Variants in RDM1 observed in about 807,000 individuals in gnomAD.
The protein encoded by RDM1 is RAD52 motif-containing protein 1.
A neutral mutation model predicts 27.7 loss-of-function variants in RDM1; 28 were observed. That is an observed-to-expected ratio of 1.01 (90% CI 0.75 to 1.39). The LOEUF (loss-of-function observed/expected upper bound fraction) is 1.39, where lower values mean the gene tolerates loss of function less well. RDM1 is among the 40% of genes most tolerant of loss of function. RDM1 has a pLI of 0.00. For synonymous variants in RDM1, 124 were observed against 127.5 expected (o/e 0.97, Z 0.19); for missense variants, 277 against 337.3 (o/e 0.82, Z 1.40).
At position 35,918,286 on chromosome 17, in the gene RDM1, C is replaced by T. The variant is rs2088814024; in HGVS notation, c.*56G>A. The stretch of plus-strand genomic sequence containing the variant: ...GTGGTGGGGCGGCGTGGGGTAGGGG[C>T]ACGACAGAGCTTCCCAAGGAAGTTA... On this transcript the variant is annotated 3_prime_UTR_variant, in exon 7 of 7. Transcript: ENST00000620284. 4.7e-6 allele frequency: 7 copies of T among 1,480,038 alleles called. No homozygotes were observed. The highest frequency in any genetic ancestry group is 3.4e-5 in the South Asian group (3 of 87,646). The allele number at this position is 1,480,038 out of a possible 1,614,324, so 91.7% of individuals were successfully genotyped here.
intron 2 of RDM1, among the ~76,000 whole-genome samples, chr17:35,929,675 C>T (rs1446727053): frequency 3.3e-5 from 5 of 152,192 alleles, no homozygotes; most frequent in Non-Finnish European, 7.3e-5. Flanking sequence ...CTGCTGGCCT[C>T]AAGTGATCAG....
intron 2 of RDM1, among the ~76,000 whole-genome samples, chr17:35,926,129 T>C (rs1297594917): frequency 7.5e-6 from 1 of 133,672 alleles, no homozygotes; most frequent in Non-Finnish European, 1.6e-5. Context: ...TGAGACTGTC[T>C]CAAAAAAAAA....
At chr17:35,926,621 G>T (rs1219061478) in intron 2 of RDM1, among the ~76,000 whole-genome samples, 1 of 152,058 alleles carries the variant, frequency 6.6e-6, no homozygotes, top group Non-Finnish European at 1.5e-5. Flanking sequence ...AGCCAGGATG[G>T]TCTCGATCTC....
chr17:35,930,556 A>T, intron 1 of RDM1, 76 bp downstream of exon 1: 1 of 1,393,176 alleles, frequency 7.2e-7, no homozygotes, highest in Non-Finnish European at 9.9e-7. Context: ...TGAGGGTCTG[A>T]GGCAGGACTC....
chr17:35,925,508 G>C lies in RDM1; in HGVS notation c.399+7C>G, dbSNP rs777293803. 4.3e-6 allele frequency: 7 copies of C among 1,612,344 alleles called. 1 individual carries two copies. The South Asian group carries it at 7.7e-5, about 18-fold the overall frequency. ...GTGGTAAGTGAAAAAAAATCTACAA[G>C]GTTTACCTTGATGATCCTTTTGGAA... On this transcript the variant is annotated splice_region_variant and intron_variant, in intron 3 of 6. Transcript: ENST00000620284.
At chr17:35,925,729 T>A (rs1458160134) in intron 2 of RDM1, 92 bp from the exon 3 acceptor site, 1 of 1,416,850 alleles carries the variant, frequency 7.1e-7, no homozygotes, top group Admixed American at 2.1e-5. Context: ...AAGTGTGCAA[T>A]GAAAAATTGT....
intron 5 of RDM1, among the ~76,000 whole-genome samples, chr17:35,921,577 C>T (rs1453893353): frequency 6.6e-6 from 1 of 152,176 alleles, no homozygotes; most frequent in Non-Finnish European, 1.5e-5. Flanking sequence ...GGCAAAGCAG[C>T]TGATTTTTGT....
intron 6 of RDM1, 61 bp from the exon 7 acceptor site, chr17:35,918,504 A>C (rs1025832500): frequency 7.1e-7 from 1 of 1,409,316 alleles, no homozygotes; most frequent in African/African-American, 1.4e-5. Flanking sequence ...ATTCATTCCA[A>C]AATGTTGCCG....
At chr17:35,921,139 G>A (rs544118746) in intron 5 of RDM1, among the ~76,000 whole-genome samples, 2 of 152,300 alleles carry the variant, frequency 1.3e-5, no homozygotes, top group East Asian at 1.9e-4. Context: ...TACCTTCAAG[G>A]CAAACTAGAG....
At position 35,918,816 on chromosome 17, in the gene RDM1, C is replaced by T. The variant is rs1311542815; in HGVS notation, c.754-373G>A. Among the ~76,000 whole-genome samples, 3 of 152,320 alleles carry T rather than the reference C, an allele frequency of 2.0e-5. No individual in the cohort carries two copies. In the East Asian group the frequency reaches 5.8e-4, roughly 29 times the overall value. On this transcript the variant is annotated intron_variant, in intron 6 of 6. Transcript: ENST00000620284. ...TCCTGAAATGCGACTATAACTGGAA[C>T]CCAGCTGACTTCCTCCACAGCCATT...
chr17:35,925,660 C>T lies in RDM1; in HGVS notation c.277-23G>A, dbSNP rs766189762. ...AACCTAAAATCATAGGAGATAGACC[C>T]ATAAATATCACAACCGCTAGAGATT... On this transcript the variant is annotated intron_variant, in intron 2 of 6. Transcript: ENST00000620284. 6 of 1,591,390 alleles carry T rather than the reference C, an allele frequency of 3.8e-6. No individual in the cohort carries two copies. In the Admixed American group the frequency reaches 1.1e-4, roughly 28 times the overall value.
intron 4 of RDM1, 52 bp downstream of exon 4, chr17:35,924,552 G>T: frequency 6.5e-7 from 1 of 1,532,854 alleles, no homozygotes; most frequent in Non-Finnish European, 8.8e-7. Flanking sequence ...AAAAAAGAAA[G>T]ATCCTTTCCA....
chr17:35,918,567 T>A, intron 6 of RDM1, 124 bp from the exon 7 acceptor site: 6 of 780,092 alleles, frequency 7.7e-6, no homozygotes, highest in Non-Finnish European at 1.3e-5. Context: ...TTCACCACTC[T>A]ATTAGGTAGG....
intron 4 of RDM1, among the ~76,000 whole-genome samples, chr17:35,923,879 TA>T (rs796131007): frequency 6.6e-6 from 1 of 151,566 alleles, no homozygotes; most frequent in Non-Finnish European, 1.5e-5. Context: ...CTTTTATGAG[TA>T]AAAAAAGGAA....
chr17:35,918,356 G>A lies in RDM1; in HGVS notation c.841C>T (p.Pro281Ser), dbSNP rs2088816653. 1.2e-6 allele frequency: 2 copies of A among 1,613,414 alleles called. No individual in the cohort carries two copies. The highest frequency in any genetic ancestry group is 2.7e-5 in the African/African-American group (2 of 74,846). Residue 281 changes from proline (P) to serine (S), a missense_variant, in exon 7 of 7, where the codon CCA becomes TCA. By Grantham distance (74) the Pro-to-Ser change is moderately conservative (BLOSUM62 -1). Transcript: ENST00000620284. The part of the protein sequence containing the change: ...FSLEEEEFRL[P>S]ELD ...ATTCAGAAATGCTAGTCAAGTTCTG[G>A]CAGCCTGAACTCTTCCTCCTCCAAG...
chr17:35,919,929 G>T (rs2088878921), intron 6 of RDM1, among the ~76,000 whole-genome samples: 1 of 152,168 alleles, frequency 6.6e-6, no homozygotes, highest in Admixed American at 6.5e-5. Flanking sequence ...ACTCCTGGGG[G>T]AAGACTAATC....
intron 5 of RDM1, chr17:35,922,350 A>C (rs901171783): frequency 1.5e-4 from 75 of 514,868 alleles, no homozygotes; most frequent in Non-Finnish European, 2.1e-4. Flanking sequence ...GTGGGAACTG[A>C]GGCAAGTCTT....
At chr17:35,928,534 G>C (rs756106285) in intron 2 of RDM1, among the ~76,000 whole-genome samples, 1 of 151,978 alleles carries the variant, frequency 6.6e-6, no homozygotes, top group African/African-American at 2.4e-5. Flanking sequence ...AGGCTGAGGC[G>C]GGTAGATCAC....
At chr17:35,926,993 C>T (rs1037107837) in intron 2 of RDM1, among the ~76,000 whole-genome samples, 1 of 151,762 alleles carries the variant, frequency 6.6e-6, no homozygotes. Context: ...CGGCCTGTAT[C>T]GTGAGTCACA....
Sources: gnomAD v4.1 joint callset for allele counts (sites outside exome capture counted in the v4.1 genomes callset) on GRCh38, gnomAD v4.1.1 for gene constraint, MANE v1.5 for transcripts, NCBI Gene and HGNC (gene_info 2026-07-23, HGNC 2026-07-21) for gene names.